The following JAK1 variants were observed in gnomAD, a reference collection of about 807,000 sequenced individuals.
The protein encoded by JAK1 is tyrosine-protein kinase JAK1.
In JAK1, 16 loss-of-function variants were observed where a neutral mutation model predicts 136.6. The observed-to-expected ratio is 0.12, with a 90% CI of 0.08 to 0.18. JAK1 has a LOEUF of 0.18. Among genes scored for constraint, JAK1 ranks in the 10% least tolerant of loss-of-function variants. The pLI, the probability that JAK1 is intolerant of heterozygous loss-of-function variation, is 1.00. For missense variants in JAK1, 859 were observed against 1,450.1 expected (o/e 0.59, Z 6.62); for synonymous variants, 492 against 519.5 (o/e 0.95, Z 0.72).
chr1:64,835,589 A>G, intron 23 of JAK1, 83 bp from the exon 24 acceptor site: 2 of 818,084 alleles, frequency 2.4e-6, no homozygotes, highest in South Asian at 3.1e-5. Context: ...AAATTTCTAC[A>G]ATCAACTGGA....
At chr1:64,912,079 G>A (rs1186231181) in intron 1 of JAK1, among the ~76,000 whole-genome samples, 3 of 152,130 alleles carry the variant, frequency 2.0e-5, no homozygotes, top group African/African-American at 4.8e-5. Context: ...TCACTCCATC[G>A]AGTAATTCTC....
chr1:64,882,184 C>T (rs1644783882), intron 3 of JAK1, among the ~76,000 whole-genome samples: 2 of 152,218 alleles, frequency 1.3e-5, no homozygotes, highest in African/African-American at 4.8e-5. Context: ...AAGCCTCTCC[C>T]CTTTTCCTGA....
chr1:64,864,096 T>C (rs888568788), intron 8 of JAK1, among the ~76,000 whole-genome samples: 3 of 152,232 alleles, frequency 2.0e-5, no homozygotes, highest in East Asian at 3.8e-4. Context: ...AGCGTTATCA[T>C]TGTGACACAG....
At chr1:64,873,944 C>T (rs752519607) in intron 4 of JAK1, among the ~76,000 whole-genome samples, 7 of 152,178 alleles carry the variant, frequency 4.6e-5, no homozygotes, top group East Asian at 3.8e-4. Context: ...AGTTTCATCA[C>T]GCAATCAAGA....
chr1:64,915,969 G>A (rs1035609767), intron 1 of JAK1, among the ~76,000 whole-genome samples: 2 of 152,166 alleles, frequency 1.3e-5, no homozygotes, highest in African/African-American at 4.8e-5. Flanking sequence ...TGAGAGACTG[G>A]AATACTGTCT....
intron 3 of JAK1, among the ~76,000 whole-genome samples, chr1:64,882,113 C>T (rs756765823): frequency 6.6e-6 from 1 of 152,178 alleles, no homozygotes; most frequent in Non-Finnish European, 1.5e-5. Context: ...TACACCTCAG[C>T]CCATTTTATT....
intron 2 of JAK1, among the ~76,000 whole-genome samples, chr1:64,980,681 G>A (rs1337519899): frequency 1.3e-5 from 2 of 151,384 alleles, no homozygotes; most frequent in African/African-American, 2.4e-5. Context: ...CCATTAACTC[G>A]TCATTTACAT....
rs2101158193 is a variant in JAK1 at position 64,873,362 on chromosome 1, C to T, written c.483+8G>A. On this transcript the variant is annotated splice_region_variant and intron_variant, in intron 5 of 24. Coordinates refer to ENST00000342505, the MANE Select transcript of JAK1 (RefSeq NM_002227.4). ...AACTCCAGCTTCTCCTGGGCCCAAA[C>T]TTCCTACCTGAGCAAACAGATACTC... The T allele has an allele frequency of 6.2e-7, 1 of 1,614,108 alleles. No homozygotes were observed. Among genetic ancestry groups the T allele is most frequent in the Non-Finnish European group, 8.5e-7 (1 of 1,179,974 alleles).
intron 2 of JAK1, among the ~76,000 whole-genome samples, chr1:65,015,372 GACTA>G (rs1305877207): frequency 6.6e-6 from 1 of 151,980 alleles, no homozygotes; most frequent in African/African-American, 2.4e-5. Flanking sequence ...AAACATTAGT[GACTA>G]ACTTTTTACT....
At chr1:64,963,536 C>G (rs972345333) in intron 1 of JAK1, among the ~76,000 whole-genome samples, 1 of 152,124 alleles carries the variant, frequency 6.6e-6, no homozygotes, top group African/African-American at 2.4e-5. Context: ...CGGCTTTTTA[C>G]TCAACATATT....
intron 1 of JAK1, among the ~76,000 whole-genome samples, chr1:64,898,211 A>G (rs1425110934): frequency 6.6e-6 from 1 of 152,170 alleles, no homozygotes; most frequent in Non-Finnish European, 1.5e-5. Flanking sequence ...ACATCCACTA[A>G]TAGCACTGGG....
chr1:64,955,876 A>T (rs1457744775), intron 1 of JAK1, among the ~76,000 whole-genome samples: 4 of 152,228 alleles, frequency 2.6e-5, no homozygotes, highest in Non-Finnish European at 5.9e-5. Flanking sequence ...GGGCAAAAGC[A>T]AAGGGAGAGA....
intron 2 of JAK1, among the ~76,000 whole-genome samples, chr1:65,036,687 G>C (rs1052401659): frequency 3.9e-5 from 6 of 152,174 alleles, no homozygotes; most frequent in Admixed American, 3.9e-4. Flanking sequence ...GAGTAAAGAA[G>C]AGCTGTGTAT....
chr1:64,964,425 T>G (rs1467774364), intron 1 of JAK1, among the ~76,000 whole-genome samples: 1 of 152,268 alleles, frequency 6.6e-6, no homozygotes, highest in Admixed American at 6.5e-5. Context: ...TTCTCAATGC[T>G]TGTTTCAGTC....
At chr1:65,021,859 A>G (rs936866216) in intron 2 of JAK1, among the ~76,000 whole-genome samples, 2 of 152,176 alleles carry the variant, frequency 1.3e-5, no homozygotes, top group Non-Finnish European at 2.9e-5. Flanking sequence ...TTTGCCTAAG[A>G]GTGCATAGTT....
intron 1 of JAK1, among the ~76,000 whole-genome samples, chr1:64,949,574 T>C (rs1362916425): frequency 2.0e-5 from 3 of 152,250 alleles, no homozygotes; most frequent in East Asian, 1.9e-4. Context: ...ATTATTTTCA[T>C]GTCCTTTGAA....
intron 2 of JAK1, chr1:64,986,083 A>T: frequency 1.0e-6 from 1 of 972,076 alleles, no homozygotes; most frequent in Non-Finnish European, 1.6e-6. Flanking sequence ...GTGACCTTCT[A>T]TGTCCCCCAT....
chr1:65,031,775 C>T (rs980196452), intron 2 of JAK1, among the ~76,000 whole-genome samples: 1 of 151,900 alleles, frequency 6.6e-6, no homozygotes, highest in African/African-American at 2.4e-5. Context: ...AAAAATCATA[C>T]ACACATGCCA....
At chr1:64,956,737 C>A (rs1646194847) in intron 1 of JAK1, among the ~76,000 whole-genome samples, 1 of 152,124 alleles carries the variant, frequency 6.6e-6, no homozygotes, top group South Asian at 2.1e-4. Context: ...AGGTAAGGAG[C>A]AGAGAGGAAG....
Sources: gnomAD v4.1 joint callset for allele counts (sites outside exome capture counted in the v4.1 genomes callset) on GRCh38, gnomAD v4.1.1 for gene constraint, MANE v1.5 for transcripts, NCBI Gene and HGNC (gene_info 2026-07-23, HGNC 2026-07-21) for gene names.